Variants in SPAM1 observed in about 807,000 individuals in gnomAD.
SPAM1 encodes the protein hyaluronidase PH-20.
In SPAM1, 22 loss-of-function variants were observed where a neutral mutation model predicts 29.6. That is an observed-to-expected ratio of 0.74 (90% CI 0.53 to 1.06). SPAM1 has a LOEUF of 1.06. Among genes scored for constraint, SPAM1 ranks in the 50% least tolerant of loss-of-function variants. The probability of loss-of-function intolerance (pLI) is 0.00; values close to 1 mark genes in which losing one functional copy is unlikely to be tolerated. For missense variants in SPAM1, 534 were observed against 604.0 expected (o/e 0.88, Z 1.21); for synonymous variants, 194 against 204.6 (o/e 0.95, Z 0.44).
rs1792323826 is a variant in SPAM1, at chr7:123,959,631, C to A, written c.1192C>A (p.Leu398Ile). Residue 398 changes from leucine (L) to isoleucine (I), a missense_variant, in exon 5 of 5, where the codon CTT (leucine) becomes ATT (isoleucine). By Grantham distance (5) the Leu-to-Ile change is conservative. Transcript: ENST00000682466. ...IRKNWNSSDY[L>I]HLNPDNFAIQ... ...GAAAAACTGGAATTCAAGTGACTAT[C>A]TTCACCTCAACCCAGATAATTTTGC... is the stretch of plus-strand genomic sequence containing the variant. The A allele has an allele frequency of 6.2e-7, 1 of 1,613,188 alleles. No individual in the cohort carries two copies. The highest frequency in any genetic ancestry group is 8.5e-7 in the Non-Finnish European group (1 of 1,179,562).
intron 1 of SPAM1, among the ~76,000 whole-genome samples, chr7:123,937,565 C>A (rs925047460): frequency 7.3e-6 from 1 of 136,500 alleles, no homozygotes; most frequent in African/African-American, 2.8e-5. Flanking sequence ...CGCGCCACTG[C>A]ACTCCAGCCT....
chr7:123,926,562 T>G (rs575827397), intron 1 of SPAM1, among the ~76,000 whole-genome samples: 1 of 152,306 alleles, frequency 6.6e-6, no homozygotes, highest in Non-Finnish European at 1.5e-5. Context: ...GACACAGCCC[T>G]TAGGAGGTCC....
At chr7:123,952,778 G>A (rs945580823) in intron 2 of SPAM1, among the ~76,000 whole-genome samples, 1 of 151,668 alleles carries the variant, frequency 6.6e-6, no homozygotes, top group Non-Finnish European at 1.5e-5. Flanking sequence ...AGATGTGATC[G>A]AGCAGCGTAC....
intron 1 of SPAM1, among the ~76,000 whole-genome samples, chr7:123,937,334 G>A (rs1050823125): frequency 3.3e-5 from 5 of 152,180 alleles, no homozygotes; most frequent in African/African-American, 4.8e-5. Flanking sequence ...GGGCGCGGTG[G>A]CTCACGCCTG....
At chr7:123,962,893 T>G (rs188447191), downstream of SPAM1, among the ~76,000 whole-genome samples, 18 of 151,960 alleles carry the variant, frequency 1.2e-4, no homozygotes, top group Admixed American at 1.2e-3. Flanking sequence ...TGCCATAATT[T>G]TTGATAACTT....
At chr7:123,970,375 G>A in intron 6 of SPAM1, 1 of 1,046,018 alleles carries the variant, frequency 9.6e-7, no homozygotes, top group South Asian at 1.7e-5. Context: ...CACCAGTCAT[G>A]TTGGATTGGA....
chr7:123,969,236 G>A (rs761474329), intron 5 of SPAM1, among the ~76,000 whole-genome samples: 3 of 151,960 alleles, frequency 2.0e-5, no homozygotes, highest in Non-Finnish European at 4.4e-5. Context: ...CACTCAGCAG[G>A]TTATCTCTTC....
intron 2 of SPAM1, among the ~76,000 whole-genome samples, chr7:123,952,950 T>C (rs897222220): frequency 6.6e-6 from 1 of 151,198 alleles, no homozygotes; most frequent in African/African-American, 2.4e-5. Context: ...AAAATGAAAT[T>C]TCACAATTCT....
Position 123,954,504 on chromosome 7 carries a change from G to A in SPAM1, c.934G>A (p.Val312Ile). The change falls in exon 3 of 5, where the codon GTT (valine) becomes ATT (isoleucine). Residue 312 changes from valine to isoleucine, a missense_variant. Physicochemically the swap from Val to Ile is conservative, Grantham distance 29. Coordinates refer to ENST00000682466, the MANE Select transcript of SPAM1 (RefSeq NM_153189.3). Reference sequence around the variant, plus strand: ...TACCCGCATAGTTTTTACTGATCAAGTTTTGAAATTCCTTTCTCAAGTAAG... The same window carrying A: ...TACCCGCATAGTTTTTACTGATCAAATTTTGAAATTCCTTTCTCAAGTAAG... ...AYTRIVFTDQVLKFLSQDELV... is the reference protein window; with the variant it reads ...AYTRIVFTDQILKFLSQDELV... 1 of 1,593,502 alleles carries A rather than the reference G, an allele frequency of 6.3e-7. No individual in the cohort carries two copies. The highest frequency in any genetic ancestry group is 8.6e-7 in the Non-Finnish European group (1 of 1,164,956).
intron 1 of SPAM1, among the ~76,000 whole-genome samples, chr7:123,943,052 C>T (rs1393717053): frequency 6.6e-6 from 1 of 152,082 alleles, no homozygotes; most frequent in Admixed American, 6.5e-5. Context: ...ATACTTTACT[C>T]AATTATTAAA....
chr7:123,948,973 C>CTTT (rs58149943), intron 1 of SPAM1, among the ~76,000 whole-genome samples: 42 of 141,280 alleles, frequency 3.0e-4, no homozygotes, highest in African/African-American at 1.0e-3. Flanking sequence ...AAATTTGGCT[C>CTTT]TTTTTTTTTT....
intron 1 of SPAM1, among the ~76,000 whole-genome samples, chr7:123,930,780 G>A (rs141412304): frequency 2.0e-5 from 3 of 152,078 alleles, no homozygotes; most frequent in Non-Finnish European, 2.9e-5. Flanking sequence ...AGAACTGGAC[G>A]GGAGAACTGC....
In SPAM1 at chr7:123,959,914, C is replaced by A. The variant is rs1013378996; in HGVS notation, c.1475C>A (p.Thr492Lys). Residue 492 changes from threonine (T) to lysine (K), a missense_variant, in exon 5 of 5, where the codon ACA (threonine) becomes AAA (lysine). By Grantham distance (78) the Thr-to-Lys change is moderately conservative. Coordinates refer to ENST00000682466, the MANE Select transcript of SPAM1 (RefSeq NM_153189.3). Reference sequence around the variant, plus strand: ...GCTTCACCCTCCACACTATCTGCCACAATGTTCATTGTTAGTATTTTGTTT... The same window carrying A: ...GCTTCACCCTCCACACTATCTGCCAAAATGTTCATTGTTAGTATTTTGTTT... ...YNASPSTLSA[T>K]MFIVSILFLI... is the part of the protein sequence containing the mutation. 1 of 1,612,130 alleles carries A rather than the reference C, an allele frequency of 6.2e-7. No homozygotes were observed.
Position 123,954,451 on chromosome 7 carries a change from C to G in SPAM1, c.881C>G (p.Ala294Gly). 1 of 1,613,186 alleles carries G rather than the reference C, an allele frequency of 6.2e-7. No individual in the cohort carries two copies. Among genetic ancestry groups the G allele is most frequent in the Non-Finnish European group, 8.5e-7 (1 of 1,179,540 alleles). ...EAIRVSKIPD[A>G]KSPLPVFAYT... ...ATCAGAGTTTCCAAAATACCTGATG[C>G]AAAAAGTCCACTTCCGGTTTTTGCA... The change falls in exon 3 of 5, where the codon GCA becomes GGA. Residue 294 changes from alanine to glycine, a missense_variant. Ala to Gly is a moderately conservative substitution (Grantham distance 60, BLOSUM62 0). Transcript: ENST00000682466.
At chr7:123,956,763 C>G (rs1243805800) in intron 4 of SPAM1, among the ~76,000 whole-genome samples, 2 of 151,936 alleles carry the variant, frequency 1.3e-5, no homozygotes, top group Admixed American at 6.6e-5. Context: ...AATGGAAATA[C>G]TATGTAATAA....
At chr7:123,964,222 A>G (rs1174188415), downstream of SPAM1, among the ~76,000 whole-genome samples, 1 of 151,844 alleles carries the variant, frequency 6.6e-6, no homozygotes, top group East Asian at 1.9e-4. Context: ...CTGATGCATT[A>G]CATCTGTAAT....
At chr7:123,949,371 A>G (rs1808690368) in intron 1 of SPAM1, among the ~76,000 whole-genome samples, 1 of 152,144 alleles carries the variant, frequency 6.6e-6, no homozygotes, top group Non-Finnish European at 1.5e-5. Context: ...CATATTTTTG[A>G]ATATTTTTAA....
At chr7:123,931,321 T>C (rs535685552) in intron 1 of SPAM1, among the ~76,000 whole-genome samples, 1 of 152,128 alleles carries the variant, frequency 6.6e-6, no homozygotes, top group Non-Finnish European at 1.5e-5. Context: ...AAAATATTAC[T>C]CTAACTTTCC....
Position 123,960,038 on chromosome 7 carries a change from T to C in SPAM1, c.*69T>C, listed in dbSNP as rs1054638596. The C allele has an allele frequency of 4.6e-6, 7 of 1,510,104 alleles. No individual in the cohort carries two copies. The African/African-American group carries it at 5.6e-5, about 12-fold the overall frequency. 93.5% of individuals were successfully genotyped at this position (1,510,104 alleles called of 1,614,324 possible). A position where few individuals can be genotyped will look rare whatever the true frequency, so the allele number is the denominator to read the frequency against. On this transcript the variant is annotated 3_prime_UTR_variant, in exon 5 of 5. Transcript: ENST00000682466. ...GTGCTTTTTCGACTAATTAAATCTT[T>C]GAAAAGAACAGCTCTTGTTGAAAGA...
Sources: allele counts gnomAD v4.1 joint callset (sites outside exome capture counted in the v4.1 genomes callset), GRCh38; gene constraint gnomAD v4.1.1; transcripts MANE v1.5; gene names NCBI Gene and HGNC (gene_info 2026-07-23, HGNC 2026-07-21).